The following APP variants were observed in gnomAD, a reference collection of about 807,000 sequenced individuals.
The protein encoded by APP is amyloid-beta precursor protein.
APP carries 31 observed loss-of-function variants against 101.4 expected under a neutral mutation model. That is an observed-to-expected ratio of 0.31 (90% CI 0.23 to 0.41). The LOEUF is 0.41. APP is among the 10% of genes least tolerant of loss of function. The pLI is 1.00. For missense variants in APP, 839 were observed against 1,003.7 expected (o/e 0.84, Z 2.22); for synonymous variants, 366 against 364.4 (o/e 1.00, Z -0.05).
intron 5 of APP, among the ~76,000 whole-genome samples, chr21:26,045,495 A>G (rs1207506867): frequency 6.6e-6 from 1 of 152,256 alleles, no homozygotes; most frequent in African/African-American, 2.4e-5. Flanking sequence ...AATTCTTCGT[A>G]AAATTAAAAT....
intron 7 of APP, among the ~76,000 whole-genome samples, chr21:25,997,642 A>G (rs2043109828): frequency 6.6e-6 from 1 of 152,216 alleles, no homozygotes. Context: ...AGTATATCCG[A>G]GTAACAACAG....
chr21:25,902,013 G>C (rs1181165861), intron 15 of APP, among the ~76,000 whole-genome samples: 1 of 152,146 alleles, frequency 6.6e-6, no homozygotes, highest in Non-Finnish European at 1.5e-5. Flanking sequence ...AAGCCAGGAG[G>C]AGGAGCTATA....
At chr21:25,959,613 GTCTC>G (rs2041489813) in intron 11 of APP, among the ~76,000 whole-genome samples, 1 of 152,194 alleles carries the variant, frequency 6.6e-6, no homozygotes, top group Non-Finnish European at 1.5e-5. Flanking sequence ...AGCTTGTTCA[GTCTC>G]TCAATTACTG....
Position 25,881,622 on chromosome 21 carries a change from G to C in APP, c.*48C>G. ...CTATAAATGGACACCGATGGGTAGT[G>C]AAGCAATGGTTTTGCTGTCCAACTT... On this transcript the variant is annotated 3_prime_UTR_variant, in exon 18 of 18. Coordinates refer to ENST00000346798, the MANE Select transcript of APP (RefSeq NM_000484.4). 1 of 1,565,446 alleles carries C rather than the reference G, an allele frequency of 6.4e-7. No individual in the cohort carries two copies. Among genetic ancestry groups the C allele is most frequent in the Non-Finnish European group, 8.8e-7 (1 of 1,136,062 alleles).
intron 2 of APP, among the ~76,000 whole-genome samples, chr21:26,094,055 G>A (rs535066355): frequency 6.6e-6 from 1 of 150,946 alleles, no homozygotes; most frequent in South Asian, 2.1e-4. Flanking sequence ...AGCGGATGTT[G>A]CAGTGAGCTG....
chr21:26,028,359 T>A (rs1009304714), intron 5 of APP, among the ~76,000 whole-genome samples: 50 of 152,288 alleles, frequency 3.3e-4, no homozygotes, highest in African/African-American at 1.1e-3. Flanking sequence ...TACTGCAGAT[T>A]AAACGCTTCA....
At chr21:26,056,466 A>G (rs1445537477) in intron 3 of APP, among the ~76,000 whole-genome samples, 2 of 152,310 alleles carry the variant, frequency 1.3e-5, no homozygotes, top group East Asian at 1.9e-4. Context: ...CTGGCAGAAA[A>G]TCTATCCAAG....
intron 1 of APP, among the ~76,000 whole-genome samples, chr21:26,120,792 C>T (rs1168583357): frequency 6.6e-6 from 1 of 152,150 alleles, no homozygotes; most frequent in Non-Finnish European, 1.5e-5. Context: ...CAATCTAATG[C>T]TATTAAATAG....
intron 13 of APP, among the ~76,000 whole-genome samples, chr21:25,949,234 T>C (rs575837752): frequency 1.6e-4 from 25 of 152,288 alleles, no homozygotes; most frequent in African/African-American, 5.8e-4. Flanking sequence ...TTCACACTTA[T>C]TTGTCATGGG....
At chr21:26,102,556 A>G (rs1054744185) in intron 2 of APP, among the ~76,000 whole-genome samples, 3 of 152,102 alleles carry the variant, frequency 2.0e-5, no homozygotes, top group African/African-American at 4.8e-5. Flanking sequence ...TTTTGGTACT[A>G]TAATAGTTTA....
chr21:25,921,396 A>T (rs1345087351), intron 13 of APP, among the ~76,000 whole-genome samples: 1 of 143,340 alleles, frequency 7.0e-6, no homozygotes, highest in Middle Eastern at 3.5e-3. Flanking sequence ...AACTGAAGGA[A>T]ATAGAGACAC....
At chr21:26,162,344 T>C (rs1346239658) in intron 1 of APP, among the ~76,000 whole-genome samples, 1 of 152,194 alleles carries the variant, frequency 6.6e-6, no homozygotes, top group Non-Finnish European at 1.5e-5. Flanking sequence ...CCAAACACAG[T>C]ATCAATATGC....
chr21:26,030,196 G>C (rs2044758739), intron 5 of APP, among the ~76,000 whole-genome samples: 1 of 152,208 alleles, frequency 6.6e-6, no homozygotes, highest in Non-Finnish European at 1.5e-5. Context: ...AACTGGTACA[G>C]CTTCTTCAGC....
intron 5 of APP, among the ~76,000 whole-genome samples, chr21:26,044,462 G>A (rs933072048): frequency 3.3e-4 from 50 of 152,156 alleles, no homozygotes; most frequent in African/African-American, 1.2e-3. Context: ...AAAACCTTAG[G>A]CTATGAGCCT....
Position 26,070,816 on chromosome 21 carries a change from T to C in APP, c.356-17468A>G, listed in dbSNP as rs543865759. Among the ~76,000 whole-genome samples, 22 of 152,326 alleles carry C rather than the reference T, an allele frequency of 1.4e-4. No individual in the cohort carries two copies. The South Asian group carries it at 4.3e-3, about 30-fold the overall frequency. On this transcript the variant is annotated intron_variant, in intron 3 of 17. Transcript: ENST00000346798. ...TTCTGATCAGAGCCTTCCTCAATAA[T>C]GTAAGTTTAAAAACTATTACCAAAG...
intron 8 of APP, among the ~76,000 whole-genome samples, chr21:25,991,780 G>A (rs910213158): frequency 6.6e-6 from 1 of 152,180 alleles, no homozygotes; most frequent in Non-Finnish European, 1.5e-5. Context: ...TAGTTAAGTA[G>A]TTATGACAAA....
At chr21:25,930,585 A>ATT (rs1343526405) in intron 13 of APP, among the ~76,000 whole-genome samples, 1 of 109,174 alleles carries the variant, frequency 9.2e-6, no homozygotes, top group Non-Finnish European at 2.0e-5. Context: ...AATAGCACAA[A>ATT]TTATATATAT....
At chr21:25,995,407 A>G (rs1355906839) in intron 8 of APP, among the ~76,000 whole-genome samples, 1 of 151,208 alleles carries the variant, frequency 6.6e-6, no homozygotes, top group Non-Finnish European at 1.5e-5. Context: ...AACCGGCAAA[A>G]CAATGTCAGA....
Position 25,975,141 on chromosome 21 carries a change from C to T in APP, c.1387G>A (p.Ala463Thr). Reference protein sequence around the residue: ...LVETHMARVEAMLNDRRRLAL... With the variant: ...LVETHMARVETMLNDRRRLAL... ...AGGCGGCGGCGGTCATTGAGCATGG[C>T]TTCCACTCTGGCCATGTGTGTCTCC... Residue 463 changes from alanine to threonine, a missense_variant, in exon 11 of 18, where the codon GCC becomes ACC. Physicochemically the swap from Ala to Thr is moderately conservative, Grantham distance 58. Coordinates refer to ENST00000346798, the MANE Select transcript of APP (RefSeq NM_000484.4). 6.2e-7 allele frequency: 1 copy of T among 1,614,074 alleles called. No individual in the cohort carries two copies. The highest frequency in any genetic ancestry group is 1.1e-5 in the South Asian group (1 of 91,074).
Sources: gnomAD v4.1 joint callset for allele counts (sites outside exome capture counted in the v4.1 genomes callset) on GRCh38, gnomAD v4.1.1 for gene constraint, MANE v1.5 for transcripts, NCBI Gene and HGNC (gene_info 2026-07-23, HGNC 2026-07-21) for gene names.